Variants in CD109 observed in about 807,000 individuals in gnomAD.
CD109 encodes the protein CD109 molecule.
In CD109, 149 loss-of-function variants were observed where a neutral mutation model predicts 165.8. The ratio of observed to expected loss-of-function variants is 0.90; its 90% CI spans 0.79 to 1.03. The LOEUF (loss-of-function observed/expected upper bound fraction) is 1.03. Ranked by LOEUF, CD109 falls within the 50% of genes least tolerant of loss-of-function variation. CD109 has a pLI of 0.00. For missense variants in CD109, 1,712 were observed against 1,677.8 expected, an observed-to-expected ratio of 1.02 and a Z score of -0.36; for synonymous variants, 585 against 592.1, an observed-to-expected ratio of 0.99 and a Z score of 0.18.
At chr6:73,796,451 C>T (rs1479413165) in intron 23 of CD109, among the ~76,000 whole-genome samples, 1 of 152,142 alleles carries the variant, frequency 6.6e-6, no homozygotes, top group African/African-American at 2.4e-5. Context: ...TGATGTTTGC[C>T]TCAGAGTGGC....
intron 32 of CD109, among the ~76,000 whole-genome samples, chr6:73,820,883 G>A (rs930231873): frequency 6.6e-6 from 1 of 152,128 alleles, no homozygotes; most frequent in Non-Finnish European, 1.5e-5. Flanking sequence ...TCATTTGCAA[G>A]GTATTGCTTC....
At chr6:73,710,930 CT>C (rs1771514273) in intron 2 of CD109, among the ~76,000 whole-genome samples, 1 of 152,188 alleles carries the variant, frequency 6.6e-6, no homozygotes, top group African/African-American at 2.4e-5. Context: ...ACCAGCAGAA[CT>C]TTATTTATGG....
intron 23 of CD109, among the ~76,000 whole-genome samples, chr6:73,793,343 T>TA (rs1034138344): frequency 1.3e-5 from 2 of 152,188 alleles, no homozygotes; most frequent in African/African-American, 4.8e-5. Context: ...GAAGACTGTA[T>TA]CTTGACACCT....
rs76369582 is a variant in CD109, at chr6:73,756,767, T to C, written c.673+85T>C. On this transcript the variant is annotated intron_variant, in intron 6 of 32. Coordinates refer to ENST00000287097, the MANE Select transcript of CD109 (RefSeq NM_133493.5). ...AGAGAAATTTTTAAGAGATGTATTATTTGAAGTAAAAATCTCAATGGAGTT... is the reference window on the plus strand; with the variant it reads ...AGAGAAATTTTTAAGAGATGTATTACTTGAAGTAAAAATCTCAATGGAGTT... The C allele has an allele frequency of 6.5e-3, 6,214 of 960,668 alleles. 279 individuals are homozygous for C. In the African/African-American group the frequency reaches 0.094, roughly 15 times the overall value. 59.5% of individuals were successfully genotyped at this position (960,668 alleles called of 1,614,324 possible). A position where few individuals can be genotyped will look rare whatever the true frequency, so the allele number is the denominator to read the frequency against.
chr6:73,791,150 T>TACAC (rs1300981171), intron 22 of CD109, among the ~76,000 whole-genome samples: 321 of 27,306 alleles, frequency 0.012, 5 homozygotes, highest in Non-Finnish European at 0.017. Flanking sequence ...TATATATATA[T>TACAC]ATATATATAT....
intron 32 of CD109, among the ~76,000 whole-genome samples, 166 bp downstream of exon 32, chr6:73,820,729 A>G (rs1183424819): frequency 6.6e-6 from 1 of 152,212 alleles, no homozygotes; most frequent in African/African-American, 2.4e-5. Context: ...TTCAGTGAAG[A>G]CTATTGATAA....
rs1774791963 is a variant in CD109, at chr6:73,788,624, G to A, written c.2701+12G>A. 5.0e-6 allele frequency: 8 copies of A among 1,595,404 alleles called. No individual in the cohort carries two copies. Among genetic ancestry groups the A allele is most frequent in the Non-Finnish European group, 6.0e-6 (7 of 1,167,850 alleles). On this transcript the variant is annotated intron_variant, in intron 22 of 32. Transcript: ENST00000287097. ...GATCACTGCAATTGGTAAGAATAGA[G>A]TATATCACCATCTATTGGTTTAATT...
At chr6:73,712,778 A>G (rs536642727) in intron 2 of CD109, among the ~76,000 whole-genome samples, 2 of 152,336 alleles carry the variant, frequency 1.3e-5, no homozygotes, top group South Asian at 4.1e-4. Flanking sequence ...TGGGAAGGAG[A>G]AAGCATCTGA....
chr6:73,784,861 CA>C (rs1189773773), intron 19 of CD109, among the ~76,000 whole-genome samples: 20 of 152,248 alleles, frequency 1.3e-4, no homozygotes, highest in Non-Finnish European at 2.9e-5. Flanking sequence ...CACATGTATT[CA>C]GATGTCCCAC....
intron 14 of CD109, among the ~76,000 whole-genome samples, chr6:73,768,817 C>A (rs893343870): frequency 6.6e-6 from 1 of 152,136 alleles, no homozygotes. Context: ...TGAAAAGAAA[C>A]CTGATTGCAT....
Position 73,827,195 on chromosome 6 carries a change from A to G in CD109, c.*3562A>G, listed in dbSNP as rs1776303766. ...TTCTCCCTTGGCAAGATTTCTCCCT[A>G]TGAGGGTAGTTATTATTTGAGTCTG... On this transcript the variant is annotated 3_prime_UTR_variant, in exon 33 of 33. Coordinates refer to ENST00000287097, the MANE Select transcript of CD109 (RefSeq NM_133493.5). 6.6e-6 allele frequency: 1 copy of G among 152,128 alleles called. No individual in the cohort carries two copies. The highest frequency in any genetic ancestry group is 2.4e-5 in the African/African-American group (1 of 41,422). 9.4% of individuals were successfully genotyped at this position (152,128 alleles called of 1,614,324 possible).
chr6:73,827,608 G>A lies in CD109; in HGVS notation c.*3975G>A, dbSNP rs1016347523. ...CTAAGAAGTAAGTGTAACTTTTAAAGTAAGTATATATCAGTGAGAGTAGGC... is the reference window on the plus strand; with the variant it reads ...CTAAGAAGTAAGTGTAACTTTTAAAATAAGTATATATCAGTGAGAGTAGGC... On this transcript the variant is annotated 3_prime_UTR_variant, in exon 33 of 33. Coordinates refer to ENST00000287097, the MANE Select transcript of CD109 (RefSeq NM_133493.5). The A allele has an allele frequency of 1.3e-5, 2 of 152,110 alleles. No homozygotes were observed. The highest frequency in any genetic ancestry group is 3.8e-4 in the East Asian group (2 of 5,198). The allele number at this position is 152,110 out of a possible 1,614,324, so 9.4% of individuals were successfully genotyped here. A position where few individuals can be genotyped will look rare whatever the true frequency, so the allele number is the denominator to read the frequency against.
rs1434740641 is a variant in CD109 at position 73,782,664 on chromosome 6, A to G, written c.2014A>G (p.Ile672Val). ...ERFMEENEGH[I>V]VDIHDFSLGS... is the part of the protein sequence containing the mutation. ...GTTTATGGAGGAAAATGAAGGACAT[A>G]TTGTAGATATTCATGACTTTTCTTT... Residue 672 changes from isoleucine (I) to valine (V), a missense_variant, in exon 18 of 33, where the codon ATT (isoleucine) becomes GTT (valine). Transcript: ENST00000287097. 1.9e-6 allele frequency: 3 copies of G among 1,613,720 alleles called. No homozygotes were observed. Among genetic ancestry groups the G allele is most frequent in the African/African-American group, 2.7e-5 (2 of 74,940 alleles).
intron 2 of CD109, among the ~76,000 whole-genome samples, chr6:73,715,557 C>T (rs1483361720): frequency 3.5e-5 from 5 of 142,930 alleles, no homozygotes; most frequent in East Asian, 2.0e-4. Context: ...AGAGTGAGAC[C>T]CTGTCTCCAA....
At chr6:73,727,496 G>A (rs1193769129) in intron 3 of CD109, among the ~76,000 whole-genome samples, 1 of 152,206 alleles carries the variant, frequency 6.6e-6, no homozygotes, top group Non-Finnish European at 1.5e-5. Context: ...GTAACCCAAA[G>A]GAACAGGAAG....
chr6:73,706,564 AT>A (rs1270067584), intron 2 of CD109, among the ~76,000 whole-genome samples: 6 of 152,102 alleles, frequency 3.9e-5, no homozygotes, highest in Admixed American at 2.0e-4. Flanking sequence ...ATTAAAGTGG[AT>A]CTTGGTCTTG....
chr6:73,774,542 A>C lies in CD109; in HGVS notation c.1827+2961A>C, dbSNP rs150141418. Reference sequence around the variant, plus strand: ...GCTTGAGGGACATGGGTCTGTCTGCATGTTTTCTTCACTTTCCCACACTAG... The same window carrying C: ...GCTTGAGGGACATGGGTCTGTCTGCCTGTTTTCTTCACTTTCCCACACTAG... On this transcript the variant is annotated intron_variant, in intron 15 of 32. Transcript: ENST00000287097. Among the ~76,000 whole-genome samples, 13 of 152,298 alleles carry C rather than the reference A, an allele frequency of 8.5e-5. No homozygotes were observed. In the East Asian group the frequency reaches 2.1e-3, roughly 25 times the overall value.
In CD109 at chr6:73,785,478, G is replaced by A. The variant is rs769796931; in HGVS notation, c.2337+1G>A. 4.0e-6 allele frequency: 6 copies of A among 1,481,578 alleles called. No individual in the cohort carries two copies. The highest frequency in any genetic ancestry group is 5.6e-6 in the Non-Finnish European group (6 of 1,067,358). The allele number at this position is 1,481,578 out of a possible 1,614,324, so 91.8% of individuals were successfully genotyped here. A position where few individuals can be genotyped will look rare whatever the true frequency, so the allele number is the denominator to read the frequency against. On this transcript the variant is annotated splice_donor_variant, in intron 20 of 32. Transcript: ENST00000287097. LOFTEE classifies it high-confidence loss of function. ...CAATTATTTGAAAGATGCCACTGAG[G>A]TAATGTATTCAAGCTTTTGTTGATC...
At chr6:73,721,876 A>G (rs530582830) in intron 2 of CD109, among the ~76,000 whole-genome samples, 1 of 152,154 alleles carries the variant, frequency 6.6e-6, no homozygotes, top group Admixed American at 6.5e-5. Flanking sequence ...AGCTGGGACT[A>G]CAGGCGTGCC....
Sources: allele counts gnomAD v4.1 joint callset (sites outside exome capture counted in the v4.1 genomes callset), GRCh38; gene constraint gnomAD v4.1.1; transcripts MANE v1.5; gene names NCBI Gene and HGNC (gene_info 2026-07-23, HGNC 2026-07-21).